The following ANKRD44 variants were observed in gnomAD, a reference collection of about 807,000 sequenced individuals.
ANKRD44 encodes serine/threonine-protein phosphatase 6 regulatory ankyrin repeat subunit B.
Under a neutral mutation model 116.0 loss-of-function variants are expected in ANKRD44, and 35 were observed. The observed-to-expected ratio is 0.30, with a 90% CI of 0.23 to 0.40. The LOEUF is 0.40. Among genes scored for constraint, ANKRD44 ranks in the 10% least tolerant of loss-of-function variants. ANKRD44 has a pLI of 1.00. For synonymous variants in ANKRD44, 435 were observed against 461.8 expected (o/e 0.94, Z 0.74); for missense variants, 1,014 against 1,242.6 (o/e 0.82, Z 2.77).
chr2:197,180,530 G>T (rs1385803246), intron 2 of ANKRD44, among the ~76,000 whole-genome samples: 1 of 152,074 alleles, frequency 6.6e-6, no homozygotes, highest in Admixed American at 6.5e-5. Context: ...TCTGATTCAG[G>T]TCTTGTTTAG....
rs747842065 is a variant in ANKRD44, at chr2:197,013,661, C to G, written c.1774G>C (p.Asp592His). ...ALEVLLQSLV[D>H]LDIRDEKGRT... ...CCTTTCTCATCCCTGATGTCCAGGTCCACCAACGACTGCAGAAGGACTTCC... is the reference window on the plus strand; with the variant it reads ...CCTTTCTCATCCCTGATGTCCAGGTGCACCAACGACTGCAGAAGGACTTCC... The change falls in exon 18 of 28, where the codon GAC becomes CAC. Residue 592 changes from aspartate to histidine, a missense_variant. Coordinates refer to ENST00000282272, the MANE Select transcript of ANKRD44 (RefSeq NM_001195144.2). The G allele has an allele frequency of 2.5e-6, 4 of 1,613,770 alleles. No homozygotes were observed. In the East Asian group the frequency reaches 8.9e-5, roughly 36 times the overall value.
intron 2 of ANKRD44, among the ~76,000 whole-genome samples, chr2:197,173,570 G>A (rs2080291805): frequency 6.6e-6 from 1 of 152,088 alleles, no homozygotes. Flanking sequence ...CCCTGCTTGA[G>A]AGAAAAACTA....
chr2:197,246,852 T>C (rs2082204297), intron 1 of ANKRD44, among the ~76,000 whole-genome samples: 2 of 152,144 alleles, frequency 1.3e-5, no homozygotes, highest in South Asian at 4.1e-4. Flanking sequence ...GTTGGCAACT[T>C]ATCCAAGATG....
intron 3 of ANKRD44, among the ~76,000 whole-genome samples, chr2:197,146,018 A>G (rs1417151665): frequency 1.3e-5 from 2 of 152,218 alleles, no homozygotes; most frequent in African/African-American, 2.4e-5. Context: ...GTAAACACTC[A>G]AGGGAGAAAG....
At chr2:197,171,336 T>G (rs1371754910) in intron 2 of ANKRD44, among the ~76,000 whole-genome samples, 1 of 152,164 alleles carries the variant, frequency 6.6e-6, no homozygotes, top group East Asian at 1.9e-4. Context: ...GCAGTTGTGC[T>G]AAACACAGCA....
chr2:197,087,759 C>T (rs1431228985), intron 12 of ANKRD44, among the ~76,000 whole-genome samples: 1 of 152,006 alleles, frequency 6.6e-6, no homozygotes, highest in East Asian at 1.9e-4. Context: ...CTGTCTCTTA[C>T]TGAATGATGC....
At chr2:197,243,367 G>A (rs890539781) in intron 1 of ANKRD44, among the ~76,000 whole-genome samples, 24 of 151,554 alleles carry the variant, frequency 1.6e-4, no homozygotes, top group Middle Eastern at 3.4e-3. Context: ...AATGTCACAG[G>A]AATACAGCTT....
At chr2:197,118,141 A>G (rs561964148) in intron 8 of ANKRD44, among the ~76,000 whole-genome samples, 53 of 152,010 alleles carry the variant, frequency 3.5e-4, no homozygotes, top group Non-Finnish European at 6.8e-4. Context: ...TGAGCCTGGG[A>G]GGCAGAGGTT....
rs368954518 is a variant in ANKRD44, at chr2:197,028,081, C to G, written c.1651-2814G>C. On this transcript the variant is annotated intron_variant, in intron 16 of 27. Transcript: ENST00000282272. ...AAAATGGAGGAAGCTATTAGTGACT[C>G]TGATAAAAGCCATTTATTAAGACAT... Among the ~76,000 whole-genome samples, 45 of 152,010 alleles carry G rather than the reference C, an allele frequency of 3.0e-4. 8 individuals carry two copies. The highest frequency in any genetic ancestry group is 2.5e-3 in the Admixed American group (38 of 15,272).
chr2:197,068,951 T>A (rs1338734725), intron 16 of ANKRD44, among the ~76,000 whole-genome samples: 1 of 152,250 alleles, frequency 6.6e-6, no homozygotes, highest in Non-Finnish European at 1.5e-5. Flanking sequence ...TTACTGGGTA[T>A]ATACCCAAAG....
At position 197,203,797 on chromosome 2, in the gene ANKRD44, C is replaced by T. The variant is rs1881406; in HGVS notation, c.28-16691G>A. Among the ~76,000 whole-genome samples the T allele has an allele frequency of 2.3e-3, 345 of 152,216 alleles. 1 individual carries two copies. The highest frequency in any genetic ancestry group is 7.7e-3 in the African/African-American group (321 of 41,522). ...ATTACTCAGCCATGAAAAGGAACAG[C>T]GTATAATGATAGATGCTACAACATG... On this transcript the variant is annotated intron_variant, in intron 1 of 27. Coordinates refer to ENST00000282272, the MANE Select transcript of ANKRD44 (RefSeq NM_001195144.2). This position sits in a 1 kb window ranked among gnomAD's most constrained non-coding sequence, Gnocchi z 4.1.
chr2:197,086,971 T>G (rs1574429565), intron 12 of ANKRD44, among the ~76,000 whole-genome samples: 2 of 152,346 alleles, frequency 1.3e-5, no homozygotes, highest in East Asian at 3.9e-4. Flanking sequence ...ATTAAAGAGC[T>G]TGGTGGAATA....
intron 1 of ANKRD44, among the ~76,000 whole-genome samples, chr2:197,229,800 T>G (rs976773600): frequency 1.3e-5 from 2 of 152,162 alleles, no homozygotes; most frequent in Non-Finnish European, 2.9e-5. Context: ...GCCCATGCAG[T>G]AGGGCTCCAG....
At chr2:197,022,966 C>T (rs1309873465) in intron 17 of ANKRD44, among the ~76,000 whole-genome samples, 2 of 152,242 alleles carry the variant, frequency 1.3e-5, no homozygotes, top group African/African-American at 4.8e-5. Context: ...CTGTTTGTCT[C>T]CCCTAGACTG....
At chr2:197,255,352 C>T (rs567467385) in intron 1 of ANKRD44, among the ~76,000 whole-genome samples, 70 of 152,290 alleles carry the variant, frequency 4.6e-4, no homozygotes, top group African/African-American at 1.6e-3. Flanking sequence ...ATGTGAGAAA[C>T]ACAAGCTAAG....
chr2:197,111,736 A>G (rs1452464171), intron 8 of ANKRD44, among the ~76,000 whole-genome samples: 1 of 151,942 alleles, frequency 6.6e-6, no homozygotes, highest in Non-Finnish European at 1.5e-5. Flanking sequence ...ATAAAATAAA[A>G]CAAAAAAGAA....
At chr2:197,049,457 A>T (rs1184639518) in intron 16 of ANKRD44, among the ~76,000 whole-genome samples, 1 of 152,182 alleles carries the variant, frequency 6.6e-6, no homozygotes, top group Non-Finnish European at 1.5e-5. Flanking sequence ...TATACACGGT[A>T]GCAAGAAATC....
intron 16 of ANKRD44, among the ~76,000 whole-genome samples, chr2:197,028,148 T>C (rs556420916): frequency 7.2e-4 from 109 of 152,308 alleles, no homozygotes; most frequent in African/African-American, 2.4e-3. Flanking sequence ...CTAGCAATAG[T>C]ATAGGTTAAA....
intron 18 of ANKRD44, among the ~76,000 whole-genome samples, chr2:197,009,598 G>A (rs1344680725): frequency 6.6e-6 from 1 of 151,968 alleles, no homozygotes; most frequent in Non-Finnish European, 1.5e-5. Flanking sequence ...TGAACTTCTG[G>A]GCTCAAGCAA....
Sources: gnomAD v4.1 joint callset for allele counts (sites outside exome capture counted in the v4.1 genomes callset) on GRCh38, gnomAD v4.1.1 for gene constraint, Gnocchi (gnomAD v3.1) non-coding constraint, MANE v1.5 for transcripts, NCBI Gene and HGNC (gene_info 2026-07-23, HGNC 2026-07-21) for gene names.